The following HS3ST5 variants were observed in gnomAD, a reference collection of about 807,000 sequenced individuals.
HS3ST5 encodes heparan sulfate-glucosamine 3-sulfotransferase 5, also known as heparan sulfate glucosamine 3-O-sulfotransferase 5.
A neutral mutation model predicts 25.4 loss-of-function variants in HS3ST5; 10 were observed. The ratio of observed to expected loss-of-function variants is 0.39; its 90% CI spans 0.24 to 0.67. The LOEUF (loss-of-function observed/expected upper bound fraction) is 0.67. Among genes scored for constraint, HS3ST5 ranks in the 30% least tolerant of loss-of-function variants. HS3ST5 has a pLI of 0.44. For missense variants in HS3ST5, 324 were observed against 420.7 expected (o/e 0.77, Z 2.01); for synonymous variants, 170 against 162.4 (o/e 1.05, Z -0.36).
chr6:114,292,334 G>T (rs569248642), intron 1 of HS3ST5, among the ~76,000 whole-genome samples: 1 of 152,258 alleles, frequency 6.6e-6, no homozygotes, highest in African/African-American at 2.4e-5. Context: ...CGTGGCAGAA[G>T]GTGGAAGGGC....
intron 3 of HS3ST5, among the ~76,000 whole-genome samples, chr6:114,076,039 C>T (rs1224823721): frequency 6.6e-6 from 1 of 152,150 alleles, no homozygotes; most frequent in Non-Finnish European, 1.5e-5. Context: ...AGGGTTTCAT[C>T]ACAATAGATT....
intron 2 of HS3ST5, among the ~76,000 whole-genome samples, chr6:114,200,802 C>A (rs1383075708): frequency 6.6e-6 from 1 of 152,120 alleles, no homozygotes; most frequent in Non-Finnish European, 1.5e-5. Context: ...GACAAAATAA[C>A]AAGTTTCTTT....
At chr6:114,266,555 T>C (rs577609459) in intron 1 of HS3ST5, among the ~76,000 whole-genome samples, 12 of 152,278 alleles carry the variant, frequency 7.9e-5, no homozygotes, top group African/African-American at 2.6e-4. Flanking sequence ...TAAAATGCAA[T>C]GTGTGGGTTT....
chr6:114,126,388 G>A (rs1777039824), intron 3 of HS3ST5, among the ~76,000 whole-genome samples: 1 of 152,114 alleles, frequency 6.6e-6, no homozygotes, highest in Admixed American at 6.6e-5. Flanking sequence ...CCCCTGTTCA[G>A]CATCTTATTG....
At chr6:114,212,783 G>A (rs1253275198) in intron 2 of HS3ST5, among the ~76,000 whole-genome samples, 2 of 152,140 alleles carry the variant, frequency 1.3e-5, no homozygotes, top group East Asian at 3.9e-4. Flanking sequence ...TTTGAAATGG[G>A]ATAGCTCCCT....
intron 3 of HS3ST5, among the ~76,000 whole-genome samples, chr6:114,147,739 C>T (rs1778239514): frequency 6.6e-6 from 1 of 152,106 alleles, no homozygotes; most frequent in Admixed American, 6.5e-5. Context: ...CACCACCACA[C>T]TTCGCTAATT....
Position 114,057,403 on chromosome 6 carries a change from T to C in HS3ST5, c.895A>G (p.Ile299Val). Residue 299 changes from isoleucine (I) to valine (V), a missense_variant, in exon 5 of 5, where the codon ATT (isoleucine) becomes GTT (valine). By Grantham distance (29) the Ile-to-Val change is conservative. Transcript: ENST00000312719. ...TRGFYCLRFNIIFNKCLAGSK... is the reference protein window; with the variant it reads ...TRGFYCLRFNVIFNKCLAGSK... Reference sequence around the variant, plus strand: ...CCCGCCAGGCACTTATTAAAGATAATATTAAACCGCAAGCAGTAAAACCCT... The same window carrying C: ...CCCGCCAGGCACTTATTAAAGATAACATTAAACCGCAAGCAGTAAAACCCT... 6.2e-7 allele frequency: 1 copy of C among 1,614,120 alleles called. No homozygotes were observed. The highest frequency in any genetic ancestry group is 8.5e-7 in the Non-Finnish European group (1 of 1,180,030).
At chr6:114,069,552 C>A (rs1229655129) in intron 3 of HS3ST5, among the ~76,000 whole-genome samples, 3 of 146,220 alleles carry the variant, frequency 2.1e-5, no homozygotes, top group African/African-American at 7.6e-5. Context: ...CGGAGTCTCG[C>A]TCTGTCGCCA....
At chr6:114,152,893 A>G (rs1778526234) in intron 3 of HS3ST5, among the ~76,000 whole-genome samples, 1 of 152,128 alleles carries the variant, frequency 6.6e-6, no homozygotes, top group Non-Finnish European at 1.5e-5. Flanking sequence ...ATCTTGAATG[A>G]TTGGCTCCCA....
chr6:114,152,302 A>G (rs1317736746), intron 3 of HS3ST5, among the ~76,000 whole-genome samples: 2 of 152,168 alleles, frequency 1.3e-5, no homozygotes, highest in Non-Finnish European at 2.9e-5. Context: ...TTAAAGAAAA[A>G]GAATTATTCC....
intron 1 of HS3ST5, among the ~76,000 whole-genome samples, chr6:114,327,974 G>GT (rs1776237879): frequency 6.6e-6 from 1 of 152,054 alleles, no homozygotes; most frequent in Non-Finnish European, 1.5e-5. Flanking sequence ...CATCAGTATA[G>GT]GCTCACACTT....
At chr6:114,311,529 TTCTC>T (rs1242288566) in intron 1 of HS3ST5, among the ~76,000 whole-genome samples, 8 of 142,572 alleles carry the variant, frequency 5.6e-5, no homozygotes, top group East Asian at 2.1e-4. Flanking sequence ...TTTTCTTTCT[TTCTC>T]TCTCTCTTTT....
chr6:114,307,655 T>C (rs1308087587), intron 1 of HS3ST5, among the ~76,000 whole-genome samples: 2 of 152,094 alleles, frequency 1.3e-5, no homozygotes, highest in East Asian at 3.9e-4. Flanking sequence ...GGAAAGAATT[T>C]GCATTTAAAT....
intron 1 of HS3ST5, among the ~76,000 whole-genome samples, chr6:114,250,039 C>T (rs1772575611): frequency 6.6e-6 from 1 of 152,126 alleles, no homozygotes; most frequent in Non-Finnish European, 1.5e-5. Context: ...AATAGACTCA[C>T]TACACAAAGT....
intron 1 of HS3ST5, among the ~76,000 whole-genome samples, chr6:114,315,385 T>G (rs1344562534): frequency 1.3e-5 from 2 of 152,170 alleles, no homozygotes; most frequent in African/African-American, 4.8e-5. Context: ...TAAACACATA[T>G]TTAAGGGGTG....
At chr6:114,169,234 A>G (rs1314699708) in intron 2 of HS3ST5, among the ~76,000 whole-genome samples, 1 of 152,124 alleles carries the variant, frequency 6.6e-6, no homozygotes, top group African/African-American at 2.4e-5. Flanking sequence ...TTGGTCCATA[A>G]TGGCCTAGAA....
At chr6:114,139,219 C>A (rs1777782955) in intron 3 of HS3ST5, among the ~76,000 whole-genome samples, 1 of 152,056 alleles carries the variant, frequency 6.6e-6, no homozygotes, top group Admixed American at 6.6e-5. Flanking sequence ...TCCAGCTAAC[C>A]CTGATCTTTG....
chr6:114,282,682 A>C (rs1774169279), intron 1 of HS3ST5, among the ~76,000 whole-genome samples: 1 of 151,958 alleles, frequency 6.6e-6, no homozygotes, highest in Non-Finnish European at 1.5e-5. Context: ...CTTTTTCCAC[A>C]AATTTGATTT....
At chr6:114,326,585 AT>A (rs1776184953) in intron 1 of HS3ST5, among the ~76,000 whole-genome samples, 1 of 152,184 alleles carries the variant, frequency 6.6e-6, no homozygotes, top group Non-Finnish European at 1.5e-5. Flanking sequence ...TATAGATGTA[AT>A]TTTGGAAAGT....
Sources: gnomAD v4.1 joint callset for allele counts (sites outside exome capture counted in the v4.1 genomes callset) on GRCh38, gnomAD v4.1.1 for gene constraint, MANE v1.5 for transcripts, NCBI Gene and HGNC (gene_info 2026-07-23, HGNC 2026-07-21) for gene names.